The following GLDN variants were observed in gnomAD, a reference collection of about 807,000 sequenced individuals.
The protein encoded by GLDN is gliomedin.
In GLDN, 47 loss-of-function variants were observed where a neutral mutation model predicts 56.5. The ratio of observed to expected loss-of-function variants is 0.83; its 90% CI spans 0.66 to 1.06. The LOEUF (loss-of-function observed/expected upper bound fraction) is 1.06. Among genes scored for constraint, GLDN ranks in the 50% least tolerant of loss-of-function variants. The pLI, the probability that GLDN is intolerant of heterozygous loss-of-function variation, is 0.00. For synonymous variants in GLDN, 332 were observed against 278.8 expected (o/e 1.19, Z -1.90); for missense variants, 782 against 714.3 (o/e 1.09, Z -1.08).
intron 4 of GLDN, among the ~76,000 whole-genome samples, chr15:51,386,792 G>T (rs539839231): frequency 2.5e-4 from 38 of 152,278 alleles, no homozygotes; most frequent in African/African-American, 8.7e-4. Flanking sequence ...TGGGGGTCAG[G>T]TAGGCATCAA....
chr15:51,392,614 T>C (rs937060323), intron 4 of GLDN, among the ~76,000 whole-genome samples: 1 of 147,850 alleles, frequency 6.8e-6, no homozygotes, highest in Non-Finnish European at 1.5e-5. Flanking sequence ...ATGGAAAAAT[T>C]GTCTTCCACA....
At chr15:51,404,087 C>T (rs1487459339) in intron 9 of GLDN, among the ~76,000 whole-genome samples, 190 bp from the exon 10 acceptor site, 2 of 152,186 alleles carry the variant, frequency 1.3e-5, no homozygotes, top group African/African-American at 2.4e-5. Context: ...GTCATTGTCT[C>T]TTACAGCCTC....
intron 4 of GLDN, chr15:51,385,025 G>C (rs1462319321): frequency 6.6e-6 from 1 of 152,202 alleles, no homozygotes; most frequent in Non-Finnish European, 1.5e-5. Context: ...CTACCTGCTT[G>C]TGTTCCAGAG....
chr15:51,366,619 T>C (rs1403043978), intron 1 of GLDN, among the ~76,000 whole-genome samples: 1 of 152,200 alleles, frequency 6.6e-6, no homozygotes, highest in Non-Finnish European at 1.5e-5. Flanking sequence ...TTTATTAAAA[T>C]AGCATGAATT....
At chr15:51,409,405 C>A (rs2038441065), downstream of GLDN, among the ~76,000 whole-genome samples, 1 of 151,994 alleles carries the variant, frequency 6.6e-6, no homozygotes, top group South Asian at 2.1e-4. Flanking sequence ...CCATTCAGAC[C>A]ATGCATGTGA....
At chr15:51,354,615 T>C (rs990240105) in intron 1 of GLDN, among the ~76,000 whole-genome samples, 8 of 152,042 alleles carry the variant, frequency 5.3e-5, no homozygotes, top group South Asian at 2.1e-4. Flanking sequence ...GGTCTAGGGA[T>C]TGAAATGAAA....
At chr15:51,375,466 T>G (rs563203613) in intron 1 of GLDN, among the ~76,000 whole-genome samples, 41 of 152,366 alleles carry the variant, frequency 2.7e-4, no homozygotes, top group African/African-American at 9.9e-4. Context: ...CTGCTCTATA[T>G]TTGCATTTTT....
Position 51,341,848 on chromosome 15 carries a change from G to C in GLDN, c.164G>C (p.Arg55Pro). Residue 55 changes from arginine (R) to proline (P), a missense_variant, in exon 1 of 10, where the codon CGG becomes CCG. By Grantham distance (103) the Arg-to-Pro change is moderately radical (BLOSUM62 -2). Transcript: ENST00000335449. ...GCGCTGCGGGCTTTGGAGGCGCAGC[G>C]GGGCCGGGAGCAGCGCGAGGACAGT... Reference protein sequence around the residue: ...SSALRALEAQRGREQREDSAL... With the variant: ...SSALRALEAQPGREQREDSAL... 6.6e-7 allele frequency: 1 copy of C among 1,525,108 alleles called. No individual in the cohort carries two copies. Among genetic ancestry groups the C allele is most frequent in the South Asian group, 1.2e-5 (1 of 83,582 alleles). The allele number at this position is 1,525,108 out of a possible 1,614,324, so 94.5% of individuals were successfully genotyped here.
intron 1 of GLDN, among the ~76,000 whole-genome samples, chr15:51,375,852 G>A (rs1182083394): frequency 6.6e-6 from 1 of 152,102 alleles, no homozygotes; most frequent in Non-Finnish European, 1.5e-5. Context: ...CAGTTAATAG[G>A]TGCTTCCTCC....
Position 51,383,900 on chromosome 15 carries a change from T to G in GLDN, c.541+8T>G. ...GAAAAAGAGGAAAAATGGGTATTTT[T>G]GGCAACTCTTCTAATTAATTTCCCT... On this transcript the variant is annotated splice_region_variant and intron_variant, in intron 4 of 9. Coordinates refer to ENST00000335449, the MANE Select transcript of GLDN (RefSeq NM_181789.4). 1 of 1,565,224 alleles carries G rather than the reference T, an allele frequency of 6.4e-7. No homozygotes were observed. The highest frequency in any genetic ancestry group is 1.1e-5 in the South Asian group (1 of 87,172).
At chr15:51,354,149 T>C (rs1463694986) in intron 1 of GLDN, among the ~76,000 whole-genome samples, 1 of 152,216 alleles carries the variant, frequency 6.6e-6, no homozygotes, top group African/African-American at 2.4e-5. Flanking sequence ...GAGCAACCCC[T>C]TCATCTGCCA....
downstream of GLDN, among the ~76,000 whole-genome samples, chr15:51,411,853 C>T (rs775141470): frequency 3.9e-5 from 6 of 152,194 alleles, no homozygotes; most frequent in Non-Finnish European, 8.8e-5. Flanking sequence ...TAGTCTGCCA[C>T]CCCCTGGGAT....
chr15:51,355,390 G>A (rs1169680950), intron 1 of GLDN, among the ~76,000 whole-genome samples: 1 of 152,146 alleles, frequency 6.6e-6, no homozygotes, highest in Non-Finnish European at 1.5e-5. Context: ...TGGTGCTGGT[G>A]GGAGTGTCTT....
chr15:51,362,484 T>TAA (rs59898719), intron 1 of GLDN, among the ~76,000 whole-genome samples: 46 of 131,856 alleles, frequency 3.5e-4, no homozygotes, highest in Non-Finnish European at 5.2e-4. Context: ...GACTCTGTCT[T>TAA]AAAAAAAAAA....
Position 51,341,848 on chromosome 15 carries a change from G to T in GLDN, c.164G>T (p.Arg55Leu), listed in dbSNP as rs1170143477. The T allele has an allele frequency of 6.6e-7, 1 of 1,525,108 alleles. No homozygotes were observed. Among genetic ancestry groups the T allele is most frequent in the South Asian group, 1.2e-5 (1 of 83,582 alleles). The allele number at this position is 1,525,108 out of a possible 1,614,324, so 94.5% of individuals were successfully genotyped here. A position where few individuals can be genotyped will look rare whatever the true frequency, so the allele number is the denominator to read the frequency against. Reference protein sequence around the residue: ...SSALRALEAQRGREQREDSAL... With the variant: ...SSALRALEAQLGREQREDSAL... ...GCGCTGCGGGCTTTGGAGGCGCAGC[G>T]GGGCCGGGAGCAGCGCGAGGACAGT... Residue 55 changes from arginine (R) to leucine (L), a missense_variant, in exon 1 of 10, where the codon CGG becomes CTG. Arg to Leu is a moderately radical substitution (Grantham distance 102, BLOSUM62 -2). Transcript: ENST00000335449.
chr15:51,410,567 A>C (rs994008973), downstream of GLDN, among the ~76,000 whole-genome samples: 2 of 151,976 alleles, frequency 1.3e-5, no homozygotes, highest in Non-Finnish European at 2.9e-5. Flanking sequence ...TGCTTCTGGC[A>C]CCTCCTTTCC....
chr15:51,344,275 C>G (rs1256345474), intron 1 of GLDN, among the ~76,000 whole-genome samples: 1 of 152,162 alleles, frequency 6.6e-6, no homozygotes, highest in Non-Finnish European at 1.5e-5. Context: ...CAGGAAGGAC[C>G]TTGGCATAAC....
At chr15:51,384,587 C>T in intron 4 of GLDN, 1 of 154,018 alleles carries the variant, frequency 6.5e-6, no homozygotes, top group Non-Finnish European at 1.4e-5. Flanking sequence ...CAGGGCCTGG[C>T]AGGAGGCTGG....
At chr15:51,383,332 A>G in intron 2 of GLDN, 104 bp from the exon 3 acceptor site, 2 of 1,234,358 alleles carry the variant, frequency 1.6e-6, no homozygotes, top group Non-Finnish European at 2.3e-6. Context: ...TGTCAAATCC[A>G]TTGCTTAGGG....
Sources: gnomAD v4.1 joint callset for allele counts (sites outside exome capture counted in the v4.1 genomes callset) on GRCh38, gnomAD v4.1.1 for gene constraint, MANE v1.5 for transcripts, NCBI Gene and HGNC (gene_info 2026-07-23, HGNC 2026-07-21) for gene names.